The following MTMR7 variants were observed in gnomAD, a reference collection of about 807,000 sequenced individuals.
MTMR7 encodes the protein myotubularin related protein 7.
MTMR7 carries 76 observed loss-of-function variants against 81.2 expected under a neutral mutation model. The observed-to-expected ratio is 0.94, with a 90% CI of 0.78 to 1.13. MTMR7 has a LOEUF of 1.13. MTMR7 is among the 50% of genes most tolerant of loss of function. The pLI is 0.00. For missense variants in MTMR7, 1,044 were observed against 820.0 expected (o/e 1.27, Z -3.34); for synonymous variants, 372 against 289.8 (o/e 1.28, Z -2.88).
intron 1 of MTMR7, 100 bp from the exon 2 acceptor site, chr8:17,373,340 AT>A: frequency 7.2e-7 from 1 of 1,379,610 alleles, no homozygotes; most frequent in Non-Finnish European, 9.6e-7. Context: ...CCAAAATACA[AT>A]TTTTTGAGAA....
intron 13 of MTMR7, 48 bp from the exon 14 acceptor site, chr8:17,300,272 C>A (rs760833349): frequency 1.3e-6 from 2 of 1,548,928 alleles, no homozygotes; most frequent in Non-Finnish European, 1.7e-6. Flanking sequence ...AATAACTTAT[C>A]TTTTTCTATA....
At chr8:17,309,174 C>A in intron 10 of MTMR7, 103 bp downstream of exon 10, 1 of 784,120 alleles carries the variant, frequency 1.3e-6, no homozygotes, top group Non-Finnish European at 2.1e-6. Flanking sequence ...ATAAGAGACA[C>A]AAACTCAAAA....
chr8:17,395,772 T>C (rs1821227533), intron 1 of MTMR7, among the ~76,000 whole-genome samples: 1 of 152,210 alleles, frequency 6.6e-6, no homozygotes, highest in African/African-American at 2.4e-5. Context: ...TTAAACTGGG[T>C]TGGCTGTGGT....
intron 1 of MTMR7, among the ~76,000 whole-genome samples, chr8:17,379,271 G>A (rs1003185613): frequency 2.0e-5 from 3 of 152,116 alleles, no homozygotes; most frequent in African/African-American, 7.2e-5. Context: ...CAACTCCCAG[G>A]CACTGAGAAA....
intron 1 of MTMR7, among the ~76,000 whole-genome samples, chr8:17,390,142 A>G (rs903212550): frequency 6.6e-6 from 1 of 151,928 alleles, no homozygotes; most frequent in Non-Finnish European, 1.5e-5. Context: ...AATAACTGAC[A>G]CTGGGTAATT....
Position 17,413,351 on chromosome 8 carries a change from T to G in MTMR7, c.-59A>C, listed in dbSNP as rs1180122414. 2.0e-6 allele frequency: 3 copies of G among 1,473,034 alleles called. No individual in the cohort carries two copies. Among genetic ancestry groups the G allele is most frequent in the Non-Finnish European group, 2.7e-6 (3 of 1,112,674 alleles). The allele number at this position is 1,473,034 out of a possible 1,614,324, so 91.2% of individuals were successfully genotyped here. Reference sequence around the variant, plus strand: ...GCGGCCTCACGCACCTGCGCGCCTCTGCGGCGCGATGGGAGGGGCGCGGGG... The same window carrying G: ...GCGGCCTCACGCACCTGCGCGCCTCGGCGGCGCGATGGGAGGGGCGCGGGG... On this transcript the variant is annotated 5_prime_UTR_variant, in exon 1 of 14. Transcript: ENST00000180173.
intron 11 of MTMR7, among the ~76,000 whole-genome samples, chr8:17,305,282 T>G (rs1288097287): frequency 1.3e-5 from 2 of 152,338 alleles, no homozygotes. Flanking sequence ...ATCACTTTGT[T>G]GTAAGTTTTT....
intron 7 of MTMR7, among the ~76,000 whole-genome samples, chr8:17,315,299 C>A (rs141307814): frequency 6.6e-6 from 1 of 152,016 alleles, no homozygotes; most frequent in African/African-American, 2.4e-5. Flanking sequence ...GGCAAAACTA[C>A]GGAGACAGTA....
intron 4 of MTMR7, among the ~76,000 whole-genome samples, chr8:17,350,180 T>G (rs556097963): frequency 6.6e-6 from 1 of 152,324 alleles, no homozygotes; most frequent in South Asian, 2.1e-4. Flanking sequence ...AGGCACCTCT[T>G]TACTTCCTGG....
At chr8:17,389,757 G>A (rs1332091741) in intron 1 of MTMR7, among the ~76,000 whole-genome samples, 1 of 151,892 alleles carries the variant, frequency 6.6e-6, no homozygotes, top group African/African-American at 2.4e-5. Context: ...GCAGAGACGG[G>A]GAAAAAATAA....
chr8:17,313,405 C>G lies in MTMR7; in HGVS notation c.866-4G>C. On this transcript the variant is annotated splice_region_variant and splice_polypyrimidine_tract_variant and intron_variant, in intron 7 of 13. Transcript: ENST00000180173. Reference sequence around the variant, plus strand: ...GAGGGAGATTTAAGTTCACACACTGCAAGATAAATCATGTTATAAAAGCAA... The same window carrying G: ...GAGGGAGATTTAAGTTCACACACTGGAAGATAAATCATGTTATAAAAGCAA... 1.3e-6 allele frequency: 2 copies of G among 1,585,788 alleles called. No individual in the cohort carries two copies. Among genetic ancestry groups the G allele is most frequent in the Non-Finnish European group, 1.7e-6 (2 of 1,159,696 alleles).
intron 2 of MTMR7, among the ~76,000 whole-genome samples, 169 bp from the exon 3 acceptor site, chr8:17,371,368 A>G (rs958946956): frequency 2.0e-5 from 3 of 152,234 alleles, no homozygotes; most frequent in African/African-American, 7.2e-5. Context: ...GGTAAGAACC[A>G]ACTTCCTAAA....
intron 6 of MTMR7, among the ~76,000 whole-genome samples, chr8:17,332,280 G>C (rs1382965056): frequency 1.3e-5 from 2 of 152,154 alleles, no homozygotes; most frequent in Non-Finnish European, 2.9e-5. Flanking sequence ...AAAGCTAAAA[G>C]AGCTAAGTTT....
chr8:17,413,315 C>G lies in MTMR7; in HGVS notation c.-23G>C. 3 of 1,530,136 alleles carry G rather than the reference C, an allele frequency of 2.0e-6. No homozygotes were observed. Among genetic ancestry groups the G allele is most frequent in the Non-Finnish European group, 2.6e-6 (3 of 1,137,260 alleles). 94.8% of individuals were successfully genotyped at this position (1,530,136 alleles called of 1,614,324 possible). A position where few individuals can be genotyped will look rare whatever the true frequency, so the allele number is the denominator to read the frequency against. ...CATGGCTGGCCCACGTCTGCAGGGT[C>G]CCGGGCGGGCGCGGCCTCACGCACC... On this transcript the variant is annotated 5_prime_UTR_variant, in exon 1 of 14. Coordinates refer to ENST00000180173, the MANE Select transcript of MTMR7 (RefSeq NM_004686.5).
At chr8:17,375,026 T>A (rs1002977585) in intron 1 of MTMR7, among the ~76,000 whole-genome samples, 1 of 151,458 alleles carries the variant, frequency 6.6e-6, no homozygotes, top group Non-Finnish European at 1.5e-5. Context: ...AAGGCAGAGG[T>A]TGCAGTGAGC....
intron 13 of MTMR7, among the ~76,000 whole-genome samples, chr8:17,300,626 C>T (rs1048924847): frequency 6.6e-6 from 1 of 152,238 alleles, no homozygotes; most frequent in Middle Eastern, 3.4e-3. Flanking sequence ...ATTCACTTAC[C>T]GTGAAACTCA....
chr8:17,412,001 T>C (rs1314291998), intron 1 of MTMR7, among the ~76,000 whole-genome samples: 1 of 152,244 alleles, frequency 6.6e-6, no homozygotes, highest in Non-Finnish European at 1.5e-5. Flanking sequence ...TAGTACCACT[T>C]AAACTCTGAA....
rs564656644 is a variant in MTMR7, at chr8:17,334,910, A to C, written c.733-3628T>G. 2.6e-5 allele frequency among the ~76,000 whole-genome samples: 4 copies of C among 152,266 alleles called. No homozygotes were observed. In the South Asian group the frequency reaches 8.3e-4, roughly 32 times the overall value. ...ACACAATCTGTAAGGATGGAGAGAGAGGGGAGGGCATTCTACATAACCAAT... is the reference window on the plus strand; with the variant it reads ...ACACAATCTGTAAGGATGGAGAGAGCGGGGAGGGCATTCTACATAACCAAT... On this transcript the variant is annotated intron_variant, in intron 6 of 13. Transcript: ENST00000180173.
chr8:17,329,256 A>T (rs150801263), intron 7 of MTMR7, among the ~76,000 whole-genome samples: 2 of 152,304 alleles, frequency 1.3e-5, no homozygotes, highest in African/African-American at 4.8e-5. Flanking sequence ...GCAACACTTC[A>T]TCATCAGCTC....
Sources: allele counts gnomAD v4.1 joint callset (sites outside exome capture counted in the v4.1 genomes callset), GRCh38; gene constraint gnomAD v4.1.1; transcripts MANE v1.5; gene names NCBI Gene and HGNC (gene_info 2026-07-23, HGNC 2026-07-21).